The following WDR27 variants were observed in gnomAD, a reference collection of about 807,000 sequenced individuals.
The protein encoded by WDR27 is WD repeat domain 27.
WDR27 carries 100 observed loss-of-function variants against 114.4 expected under a neutral mutation model. That is an observed-to-expected ratio of 0.87 (90% CI 0.74 to 1.03). The LOEUF (loss-of-function observed/expected upper bound fraction) is 1.03, where lower values mean the gene tolerates loss of function less well. Ranked by LOEUF, WDR27 falls within the 50% of genes least tolerant of loss-of-function variation. WDR27 has a pLI of 0.00. For missense variants in WDR27, 1,129 were observed against 1,092.9 expected, an observed-to-expected ratio of 1.03 and a Z score of -0.47; for synonymous variants, 449 against 423.1, an observed-to-expected ratio of 1.06 and a Z score of -0.75.
At chr6:169,688,722 A>C (rs1783695287) in intron 2 of WDR27, 95 bp downstream of exon 2, 1 of 849,854 alleles carries the variant, frequency 1.2e-6, no homozygotes, top group African/African-American at 1.7e-5. Flanking sequence ...TTGGTAGCTG[A>C]ATCCACAGAG....
At chr6:169,649,975 G>A (rs1821864388) in intron 14 of WDR27, among the ~76,000 whole-genome samples, 1 of 95,880 alleles carries the variant, frequency 1.0e-5, no homozygotes, top group South Asian at 3.7e-4. Context: ...ATGCACCCAT[G>A]CATTCATCTC....
chr6:169,622,754 C>T (rs752526472), intron 21 of WDR27, among the ~76,000 whole-genome samples: 1 of 152,148 alleles, frequency 6.6e-6, no homozygotes, highest in African/African-American at 2.4e-5. Context: ...AGAAGCGTCC[C>T]GGTGAAACAG....
chr6:169,624,827 C>T (rs541654724), intron 21 of WDR27, among the ~76,000 whole-genome samples: 2 of 152,098 alleles, frequency 1.3e-5, no homozygotes, highest in Admixed American at 6.5e-5. Flanking sequence ...ATGAAAAATT[C>T]GAGATGTGTG....
chr6:169,455,276 G>C (rs1320671675), downstream of WDR27, among the ~76,000 whole-genome samples: 2 of 152,206 alleles, frequency 1.3e-5, no homozygotes, highest in Non-Finnish European at 2.9e-5. Context: ...CACAGCTCTT[G>C]ATAAGTATTT....
chr6:169,450,678 G>C, the WDR27 span, among the ~76,000 whole-genome samples: 1 of 152,310 alleles, frequency 6.6e-6, no homozygotes, highest in African/African-American at 2.4e-5. Context: ...TCTTTAGTCA[G>C]AGGTGGTTTG....
At chr6:169,496,998 G>A (rs77119900) in intron 25 of WDR27, among the ~76,000 whole-genome samples, 1 of 151,874 alleles carries the variant, frequency 6.6e-6, no homozygotes, top group Non-Finnish European at 1.5e-5. Flanking sequence ...TCTTGAAAAA[G>A]AACAAAACTG....
chr6:169,492,450 GAAGTA>G (rs1000440321), intron 25 of WDR27, among the ~76,000 whole-genome samples: 1 of 152,124 alleles, frequency 6.6e-6, no homozygotes, highest in African/African-American at 2.4e-5. Context: ...AATATTTGAA[GAAGTA>G]AAGGACAGCA....
intron 4 of WDR27, chr6:169,669,406 A>G (rs1208812273): frequency 1.3e-5 from 2 of 152,204 alleles, no homozygotes; most frequent in South Asian, 2.1e-4. Context: ...CTCACCTGCT[A>G]TGTGCCTGAC....
intron 25 of WDR27, among the ~76,000 whole-genome samples, chr6:169,488,091 T>C (rs1359067688): frequency 1.3e-5 from 2 of 152,144 alleles, no homozygotes; most frequent in Admixed American, 6.5e-5. Flanking sequence ...TCCTTAGAGA[T>C]TTCCCCATTT....
chr6:169,665,412 GACAAAGACCTTTGTGT>G, intron 7 of WDR27, 58 bp downstream of exon 7: 1 of 1,546,274 alleles, frequency 6.5e-7, no homozygotes, highest in Non-Finnish European at 8.7e-7. Context: ...GTAGCATGAA[GACAAAGACCTTTGTGT>G]ACAAGCTCAC....
intron 25 of WDR27, 38 bp from the exon 26 acceptor site, chr6:169,457,672 C>G: frequency 6.7e-7 from 1 of 1,500,152 alleles, no homozygotes; most frequent in South Asian, 1.2e-5. Flanking sequence ...ATTCCAATCG[C>G]CTTTTATTAA....
intron 6 of WDR27, chr6:169,666,643 G>A: frequency 2.0e-6 from 2 of 985,798 alleles, no homozygotes; most frequent in Non-Finnish European, 2.4e-6. Flanking sequence ...GTGGCCGTGT[G>A]CCAGCTTCAT....
the WDR27 span, among the ~76,000 whole-genome samples, chr6:169,451,190 A>G: frequency 1.3e-5 from 2 of 152,182 alleles, no homozygotes; most frequent in Admixed American, 6.5e-5. Flanking sequence ...ATACGTAACT[A>G]TTCCAGTAAA....
At chr6:169,651,188 G>T (rs1030983185) in intron 14 of WDR27, among the ~76,000 whole-genome samples, 8 of 111,190 alleles carry the variant, frequency 7.2e-5, no homozygotes, top group Non-Finnish European at 1.4e-4. Context: ...CGGGGCGGGG[G>T]GGGGGAGTGG....
At chr6:169,600,000 T>C (rs1443387116) in intron 23 of WDR27, among the ~76,000 whole-genome samples, 4 of 152,360 alleles carry the variant, frequency 2.6e-5, no homozygotes, top group East Asian at 1.9e-4. Flanking sequence ...TCTTTATTTC[T>C]GCCTTCATTT....
chr6:169,665,233 T>TGCTG, intron 7 of WDR27: 2 of 1,233,564 alleles, frequency 1.6e-6, no homozygotes, highest in Non-Finnish European at 2.0e-6. Context: ...CCCTCACTTT[T>TGCTG]GCTGCACTCC....
intron 25 of WDR27, among the ~76,000 whole-genome samples, chr6:169,460,926 G>A (rs1379660185): frequency 3.3e-5 from 5 of 151,840 alleles, no homozygotes; most frequent in South Asian, 2.1e-4. Flanking sequence ...ATAAGCTGTC[G>A]TATGCATTCC....
intron 25 of WDR27, among the ~76,000 whole-genome samples, chr6:169,491,186 T>C (rs1258743759): frequency 1.3e-5 from 2 of 152,144 alleles, no homozygotes; most frequent in Admixed American, 6.5e-5. Context: ...CTCCAGCCAT[T>C]ATCCAAGAAG....
chr6:169,636,512 G>A lies in WDR27; in HGVS notation c.1870-8C>T, dbSNP rs890559565. 1.3e-6 allele frequency: 2 copies of A among 1,592,686 alleles called. No individual in the cohort carries two copies. The highest frequency in any genetic ancestry group is 1.7e-6 in the Non-Finnish European group (2 of 1,170,440). On this transcript the variant is annotated splice_region_variant and splice_polypyrimidine_tract_variant and intron_variant, in intron 18 of 25. Coordinates refer to ENST00000448612, the MANE Select transcript of WDR27 (RefSeq NM_182552.5). Reference sequence around the variant, plus strand: ...AGAAAACATGTCTTTGCCCTGTAATGCAAATCAGTAATTACTGTCAATATA... The same window carrying A: ...AGAAAACATGTCTTTGCCCTGTAATACAAATCAGTAATTACTGTCAATATA...
Sources: gnomAD v4.1 joint callset for allele counts (sites outside exome capture counted in the v4.1 genomes callset) on GRCh38, gnomAD v4.1.1 for gene constraint, MANE v1.5 for transcripts, NCBI Gene and HGNC (gene_info 2026-07-23, HGNC 2026-07-21) for gene names.